Variants in MBP observed in about 807,000 individuals in gnomAD.
MBP encodes the protein Golli-MBP.
In MBP, 16 loss-of-function variants were observed where a neutral mutation model predicts 35.8. That is an observed-to-expected ratio of 0.45 (90% CI 0.30 to 0.68). The LOEUF (loss-of-function observed/expected upper bound fraction) is 0.68. Among genes scored for constraint, MBP ranks in the 30% least tolerant of loss-of-function variants. MBP has a pLI of 0.08. For synonymous variants in MBP, 143 were observed against 159.6 expected, an observed-to-expected ratio of 0.90 and a Z score of 0.78; for missense variants, 380 against 404.7, an observed-to-expected ratio of 0.94 and a Z score of 0.52.
intron 2 of MBP, among the ~76,000 whole-genome samples, chr18:77,089,980 C>T (rs537483485): frequency 2.9e-4 from 44 of 152,298 alleles, no homozygotes; most frequent in Middle Eastern, 3.4e-3. Context: ...TCAGACAGTA[C>T]TGCTGGTACA....
At chr18:76,985,418 G>C (rs992394056) in intron 7 of MBP, 2 of 1,208,764 alleles carry the variant, frequency 1.7e-6, no homozygotes, top group African/African-American at 3.2e-5. Context: ...GTGCCCTGTG[G>C]TTCTAGGATC....
rs1977243595 is a variant in MBP, at chr18:77,131,079, GCACGCGCACACACACACACACACACACA to G, written c.-26+1473_-26+1500del. Among the ~76,000 whole-genome samples the G allele has an allele frequency of 2.6e-5, 1 of 39,004 alleles. No homozygotes were observed. Among genetic ancestry groups the G allele is most frequent in the African/African-American group, 5.2e-5 (1 of 19,388 alleles). The allele number at this position is 39,004 out of a possible 152,430, so 25.6% of individuals were successfully genotyped here. On this transcript the variant is annotated intron_variant, in intron 1 of 8. Transcript: ENST00000355994. The surrounding 1 kb of genome is among the most constrained non-coding windows in gnomAD (Gnocchi z 5.5). Reference sequence around the variant, plus strand: ...AAACAAAACACACACACGCGCGCACGCACGCGCACACACACACACACACACACACACACACACACACCCCCTCTGCCGC... The same window carrying G: ...AAACAAAACACACACACGCGCGCACGCACACACACACACCCCCTCTGCCGC...
chr18:77,042,793 C>T (rs1208744013), intron 3 of MBP, among the ~76,000 whole-genome samples: 3 of 152,340 alleles, frequency 2.0e-5, no homozygotes, highest in East Asian at 1.9e-4. Context: ...AGTGCCTGCC[C>T]GGTACCAGCT....
chr18:77,054,096 C>T (rs187955989), intron 3 of MBP, among the ~76,000 whole-genome samples: 10 of 152,346 alleles, frequency 6.6e-5, no homozygotes, highest in East Asian at 3.9e-4. Flanking sequence ...GCTGTCCTCC[C>T]GGTCCCTCCC....
In MBP at chr18:76,980,226, T is replaced by C. The variant is rs1969101573; in HGVS notation, c.*201A>G. ...ACAGAAAGGGACAGTTTTAACCGTT[T>C]TCTGTTTTCATGTTCTCATTTAACT... On this transcript the variant is annotated 3_prime_UTR_variant, in exon 9 of 9. Transcript: ENST00000355994. 3 of 676,128 alleles carry C rather than the reference T, an allele frequency of 4.4e-6. No individual in the cohort carries two copies. In the African/African-American group the frequency reaches 5.3e-5, roughly 12 times the overall value. 41.9% of individuals were successfully genotyped at this position (676,128 alleles called of 1,614,324 possible).
Position 76,989,999 on chromosome 18 carries a change from C to T in MBP, c.638G>A (p.Arg213Gln), listed in dbSNP as rs541552153. 1.9e-6 allele frequency: 3 copies of T among 1,612,708 alleles called. No homozygotes were observed. Among genetic ancestry groups the T allele is most frequent in the African/African-American group, 2.7e-5 (2 of 74,964 alleles). The part of the protein sequence containing the change: ...YGSLPQKSHG[R>Q]TQDENPVVHF... ...GACTACGGGGTTTTCATCTTGGGTCCGGCCGTGTGACTTCTGGGGCAGGGA... is the reference window on the plus strand; with the variant it reads ...GACTACGGGGTTTTCATCTTGGGTCTGGCCGTGTGACTTCTGGGGCAGGGA... The change falls in exon 5 of 9, where the codon CGG (arginine) becomes CAG (glutamine). Residue 213 changes from arginine to glutamine, a missense_variant. Physicochemically the swap from Arg to Gln is conservative, Grantham distance 43. Transcript: ENST00000355994. The surrounding 1 kb of genome is among the most constrained non-coding windows in gnomAD (Gnocchi z 4.0).
At chr18:77,073,535 C>T (rs553546155) in intron 2 of MBP, among the ~76,000 whole-genome samples, 4 of 152,334 alleles carry the variant, frequency 2.6e-5, no homozygotes, top group Admixed American at 6.5e-5. Context: ...GAGAGGAATG[C>T]CCATCTAGGA....
intron 2 of MBP, among the ~76,000 whole-genome samples, chr18:77,099,361 T>C (rs1392978739): frequency 6.6e-6 from 1 of 152,170 alleles, no homozygotes; most frequent in African/African-American, 2.4e-5. Context: ...CACTGCACCA[T>C]GAGATAAAAT....
intron 2 of MBP, among the ~76,000 whole-genome samples, chr18:77,072,816 C>A (rs1974505224): frequency 6.6e-6 from 1 of 152,192 alleles, no homozygotes; most frequent in African/African-American, 2.4e-5. Context: ...CCTCAGTATC[C>A]CCAGGAGGAC....
rs534564604 is a variant in MBP at position 77,030,038 on chromosome 18, T to G, written c.140-12770A>C. On this transcript the variant is annotated intron_variant, in intron 3 of 8. Coordinates refer to ENST00000355994, the MANE Select transcript of MBP (RefSeq NM_001025101.2). ...ACTTCCAGATCATCTTTTTAGGGCCTAGAGTCCACACGATTGCCTAAGGAA... is the reference window on the plus strand; with the variant it reads ...ACTTCCAGATCATCTTTTTAGGGCCGAGAGTCCACACGATTGCCTAAGGAA... Among the ~76,000 whole-genome samples the G allele has an allele frequency of 7.9e-5, 12 of 152,144 alleles. No individual in the cohort carries two copies. The South Asian group carries it at 2.5e-3, about 32-fold the overall frequency.
upstream of MBP, among the ~76,000 whole-genome samples, chr18:77,133,319 T>TCTGGGAG (rs751200850): frequency 6.7e-3 from 1,025 of 152,172 alleles, 8 homozygotes; most frequent in African/African-American, 0.023. Context: ...CAGGTGCTCC[T>TCTGGGAG]CTGGGAGCTG....
At chr18:77,014,154 A>G in intron 4 of MBP, 1 of 985,440 alleles carries the variant, frequency 1.0e-6, no homozygotes. Context: ...GGCTCTCAAA[A>G]GAATATGCCT....
intron 2 of MBP, among the ~76,000 whole-genome samples, chr18:77,078,702 A>G (rs542566167): frequency 6.6e-6 from 1 of 152,374 alleles, no homozygotes; most frequent in South Asian, 2.1e-4. Flanking sequence ...GCAGATCCGC[A>G]GAGTGGGGGC....
At chr18:77,082,245 A>G (rs1241254500) in intron 2 of MBP, among the ~76,000 whole-genome samples, 1 of 152,200 alleles carries the variant, frequency 6.6e-6, no homozygotes, top group Non-Finnish European at 1.5e-5. Context: ...ATAGTCCTAC[A>G]GTGGGATATT....
chr18:77,033,060 C>T lies in MBP; in HGVS notation c.140-15792G>A, dbSNP rs143016526. 2.1e-3 allele frequency among the ~76,000 whole-genome samples: 316 copies of T among 152,296 alleles called. 2 individuals are homozygous for T. The highest frequency in any genetic ancestry group is 3.4e-3 in the Non-Finnish European group (230 of 68,022). ...TCAGCTCACTGTAGCCTCCACCTCC[C>T]AGGTTCAAGTGATTCTCCTGCCTCA... On this transcript the variant is annotated intron_variant, in intron 3 of 8. Transcript: ENST00000355994.
At chr18:77,039,575 A>G (rs1180257637) in intron 3 of MBP, among the ~76,000 whole-genome samples, 1 of 152,210 alleles carries the variant, frequency 6.6e-6, no homozygotes, top group Non-Finnish European at 1.5e-5. Context: ...ATTCATACCC[A>G]AGGGCCACCC....
At chr18:77,011,072 T>C (rs1971316879) in intron 4 of MBP, among the ~76,000 whole-genome samples, 3 of 152,230 alleles carry the variant, frequency 2.0e-5, no homozygotes, top group Admixed American at 6.5e-5. Context: ...AGAAGTATTA[T>C]GGAAAGTGAA....
At chr18:77,094,174 C>G (rs1340057649) in intron 2 of MBP, among the ~76,000 whole-genome samples, 1 of 152,168 alleles carries the variant, frequency 6.6e-6, no homozygotes. Context: ...TGGGTTTTCA[C>G]CATGTTGGCC....
chr18:77,067,063 A>G (rs1974228765), intron 2 of MBP, among the ~76,000 whole-genome samples: 1 of 152,264 alleles, frequency 6.6e-6, no homozygotes, highest in Non-Finnish European at 1.5e-5. Flanking sequence ...ACCAGTGCAG[A>G]GAGAAGACAT....
Sources: allele counts gnomAD v4.1 joint callset (sites outside exome capture counted in the v4.1 genomes callset), GRCh38; gene constraint gnomAD v4.1.1; non-coding constraint Gnocchi (gnomAD v3.1); transcripts MANE v1.5; gene names NCBI Gene and HGNC (gene_info 2026-07-23, HGNC 2026-07-21).